Variants in NEK7 observed in about 807,000 individuals in gnomAD.
NEK7 encodes NIMA related kinase 7, also known as serine/threonine-protein kinase Nek7.
A neutral mutation model predicts 44.6 loss-of-function variants in NEK7; 18 were observed. The observed-to-expected ratio is 0.40, with a 90% CI of 0.28 to 0.60. The LOEUF is 0.60. Among genes scored for constraint, NEK7 ranks in the 20% least tolerant of loss-of-function variants. The pLI, the probability that NEK7 is intolerant of heterozygous loss-of-function variation, is 0.38. For missense variants in NEK7, 256 were observed against 366.5 expected, an observed-to-expected ratio of 0.70 and a Z score of 2.46; for synonymous variants, 130 against 121.1, an observed-to-expected ratio of 1.07 and a Z score of -0.48.
chr1:198,292,356 A>G (rs1417332281), intron 7 of NEK7, among the ~76,000 whole-genome samples: 2 of 152,024 alleles, frequency 1.3e-5, no homozygotes, highest in Non-Finnish European at 2.9e-5. Context: ...ATTTTTCCAG[A>G]GATGCCAGTG....
chr1:198,230,228 T>C (rs2102867493), intron 1 of NEK7, among the ~76,000 whole-genome samples: 1 of 152,282 alleles, frequency 6.6e-6, no homozygotes, highest in East Asian at 1.9e-4. Flanking sequence ...AATGTTGATT[T>C]TAATATTGGA....
chr1:198,191,043 A>AT (rs201997378), intron 1 of NEK7, among the ~76,000 whole-genome samples: 1 of 152,042 alleles, frequency 6.6e-6, no homozygotes, highest in Non-Finnish European at 1.5e-5. Flanking sequence ...TTTACAAAAT[A>AT]TTTTTTTTCT....
intron 1 of NEK7, among the ~76,000 whole-genome samples, chr1:198,172,565 C>T (rs1038339233): frequency 2.0e-5 from 3 of 152,172 alleles, no homozygotes; most frequent in Non-Finnish European, 4.4e-5. Context: ...AATATGTTTG[C>T]AGCTGAACTT....
chr1:198,166,783 C>T (rs1440713176), intron 1 of NEK7, among the ~76,000 whole-genome samples: 2 of 152,138 alleles, frequency 1.3e-5, no homozygotes, highest in East Asian at 1.9e-4. Flanking sequence ...ATAATAGTGA[C>T]ATAGTTTGAA....
chr1:198,306,772 T>A (rs1417784362), intron 9 of NEK7, among the ~76,000 whole-genome samples: 1 of 152,086 alleles, frequency 6.6e-6, no homozygotes, highest in African/African-American at 2.4e-5. Flanking sequence ...AACACAAAAG[T>A]AGGTTACTTG....
At position 198,252,528 on chromosome 1, in the gene NEK7, CTATATATATATATA is replaced by C. The variant is rs1162099133; in HGVS notation, c.58-485_58-472del. Among the ~76,000 whole-genome samples the C allele has an allele frequency of 1.9e-3, 63 of 32,698 alleles. 2 individuals are homozygous for C. The highest frequency in any genetic ancestry group is 0.017 in the Middle Eastern group (1 of 58). The allele number at this position is 32,698 out of a possible 152,430, so 21.5% of individuals were successfully genotyped here. ...TTTTTAGGCTTTCCTATCTCACATA[CTATATATATATATA>C]TATATATATATATATATATATATAT... On this transcript the variant is annotated intron_variant, in intron 2 of 9. Transcript: ENST00000367385.
chr1:198,241,187 G>T (rs992388700), intron 2 of NEK7, among the ~76,000 whole-genome samples: 2 of 152,130 alleles, frequency 1.3e-5, no homozygotes, highest in Admixed American at 6.5e-5. Context: ...TTACATTTAG[G>T]ATACCTGTAT....
At chr1:198,218,324 A>G (rs1665985778) in intron 1 of NEK7, among the ~76,000 whole-genome samples, 1 of 152,178 alleles carries the variant, frequency 6.6e-6, no homozygotes, top group Non-Finnish European at 1.5e-5. Context: ...TGGGAAATAG[A>G]CACCCTATTT....
At chr1:198,252,306 A>G (rs1180502459) in intron 2 of NEK7, among the ~76,000 whole-genome samples, 2 of 151,612 alleles carry the variant, frequency 1.3e-5, no homozygotes, top group Non-Finnish European at 2.9e-5. Context: ...TATGTGGTCA[A>G]TTTTGGAATA....
chr1:198,310,693 A>G (rs1032300244), intron 9 of NEK7, among the ~76,000 whole-genome samples: 50 of 152,190 alleles, frequency 3.3e-4, no homozygotes, highest in African/African-American at 1.2e-3. Context: ...CATTTATTAA[A>G]TAGGGAATCC....
intron 1 of NEK7, among the ~76,000 whole-genome samples, chr1:198,175,547 C>T (rs66846671): frequency 0.15 from 22,636 of 152,092 alleles, 1,859 homozygotes; most frequent in East Asian, 0.22. Context: ...AGCTATTTAT[C>T]TTAGCTCTTT....
At chr1:198,250,036 C>T (rs1436559758) in intron 2 of NEK7, among the ~76,000 whole-genome samples, 3 of 141,894 alleles carry the variant, frequency 2.1e-5, no homozygotes, top group Admixed American at 7.1e-5. Flanking sequence ...GTCTTTAATC[C>T]ATCTTGAATT....
chr1:198,255,145 A>G (rs990917934), intron 3 of NEK7, among the ~76,000 whole-genome samples: 4 of 152,186 alleles, frequency 2.6e-5, no homozygotes, highest in East Asian at 1.9e-4. Context: ...AAGCCAGGCT[A>G]TAAATATGAG....
chr1:198,221,047 A>G (rs575810180), intron 1 of NEK7: 51 of 152,218 alleles, frequency 3.4e-4, no homozygotes, highest in African/African-American at 1.2e-3. Context: ...CAACTCTAGA[A>G]TTCTGAAAAA....
intron 7 of NEK7, among the ~76,000 whole-genome samples, chr1:198,283,898 A>C (rs1654288990): frequency 6.6e-6 from 1 of 152,098 alleles, no homozygotes; most frequent in Non-Finnish European, 1.5e-5. Context: ...CACAATTTGG[A>C]AAACAGTGGT....
chr1:198,222,901 G>T (rs1163513038), intron 1 of NEK7, among the ~76,000 whole-genome samples: 1 of 152,024 alleles, frequency 6.6e-6, no homozygotes, highest in Non-Finnish European at 1.5e-5. Flanking sequence ...GATGGGGGCC[G>T]CACACTACTT....
chr1:198,310,156 T>A (rs1023973519), intron 9 of NEK7, among the ~76,000 whole-genome samples: 3 of 152,228 alleles, frequency 2.0e-5, no homozygotes, highest in African/African-American at 7.2e-5. Flanking sequence ...TGAATTGGTA[T>A]CTCATTGTGG....
At chr1:198,169,962 T>C (rs1664387352) in intron 1 of NEK7, among the ~76,000 whole-genome samples, 1 of 152,146 alleles carries the variant, frequency 6.6e-6, no homozygotes, top group South Asian at 2.1e-4. Context: ...GAGACTACAC[T>C]TGACAGGAGG....
chr1:198,242,266 A>T (rs1364627774), intron 2 of NEK7, among the ~76,000 whole-genome samples: 2 of 152,022 alleles, frequency 1.3e-5, no homozygotes, highest in African/African-American at 2.4e-5. Flanking sequence ...CAGCATCATG[A>T]GTTATTTTTG....
Sources: gnomAD v4.1 joint callset for allele counts (sites outside exome capture counted in the v4.1 genomes callset) on GRCh38, gnomAD v4.1.1 for gene constraint, MANE v1.5 for transcripts, NCBI Gene and HGNC (gene_info 2026-07-23, HGNC 2026-07-21) for gene names.